Variants in MYO3B observed in about 807,000 individuals in gnomAD.
MYO3B encodes the protein myosin IIIB.
Under a neutral mutation model 174.6 loss-of-function variants are expected in MYO3B, and 156 were observed. The ratio of observed to expected loss-of-function variants is 0.89; its 90% CI spans 0.78 to 1.02. MYO3B has a LOEUF of 1.02. MYO3B is among the 50% of genes least tolerant of loss of function. The pLI is 0.00. For synonymous variants in MYO3B, 563 were observed against 569.1 expected, an observed-to-expected ratio of 0.99 and a Z score of 0.15; for missense variants, 1,632 against 1,639.4, an observed-to-expected ratio of 1.00 and a Z score of 0.08.
chr2:170,321,713 A>G (rs1458630696), intron 7 of MYO3B, among the ~76,000 whole-genome samples: 1 of 152,146 alleles, frequency 6.6e-6, no homozygotes, highest in Non-Finnish European at 1.5e-5. Context: ...TGATGACTTA[A>G]TGTTGATGTA....
chr2:170,415,413 C>T (rs2094571886), intron 22 of MYO3B, among the ~76,000 whole-genome samples: 1 of 152,162 alleles, frequency 6.6e-6, no homozygotes, highest in African/African-American at 2.4e-5. Context: ...CTTACTATCA[C>T]CTTACATACT....
At chr2:170,361,305 G>T (rs2094159077) in intron 8 of MYO3B, among the ~76,000 whole-genome samples, 1 of 152,196 alleles carries the variant, frequency 6.6e-6, no homozygotes, top group Non-Finnish European at 1.5e-5. Context: ...GTGTTTATCT[G>T]TGCCCTGACT....
At chr2:170,411,854 G>A (rs1435009419) in intron 22 of MYO3B, 1 of 152,262 alleles carries the variant, frequency 6.6e-6, no homozygotes, top group African/African-American at 2.4e-5. Context: ...CTGTGCCTGA[G>A]AGGCACACTC....
chr2:170,519,182 T>C (rs1559078352), intron 29 of MYO3B, among the ~76,000 whole-genome samples: 1 of 152,138 alleles, frequency 6.6e-6, no homozygotes. Context: ...GCACTCTTTA[T>C]ATCTATTGCC....
intron 32 of MYO3B, among the ~76,000 whole-genome samples, chr2:170,582,442 T>G (rs1288992558): frequency 6.6e-6 from 1 of 152,134 alleles, no homozygotes; most frequent in Non-Finnish European, 1.5e-5. Flanking sequence ...GTATCATTTT[T>G]GGGTGAGCTG....
chr2:170,499,731 C>T lies in MYO3B; in HGVS notation c.3212C>T (p.Thr1071Ile), dbSNP rs1316805305. The T allele has an allele frequency of 2.5e-6, 4 of 1,613,896 alleles. No individual in the cohort carries two copies. In the African/African-American group the frequency reaches 5.3e-5, roughly 22 times the overall value. Residue 1071 changes from threonine (T) to isoleucine (I), a missense_variant, in exon 27 of 35, where the codon ACC (threonine) becomes ATC (isoleucine). Transcript: ENST00000408978. ...IGRVVVLQAY[T>I]KGWLGARRYK... The stretch of plus-strand genomic sequence containing the variant: ...AGAGTGGTTGTGCTGCAGGCATATA[C>T]CAAGGGGTGGCTTGGAGCCAGGAGA...
intron 30 of MYO3B, among the ~76,000 whole-genome samples, chr2:170,541,838 A>G (rs1285626304): frequency 1.3e-5 from 2 of 152,166 alleles, no homozygotes. Context: ...ATATACACAC[A>G]AATAAATATA....
intron 7 of MYO3B, among the ~76,000 whole-genome samples, chr2:170,314,852 G>A (rs550266066): frequency 2.0e-5 from 3 of 152,200 alleles, no homozygotes; most frequent in South Asian, 2.1e-4. Flanking sequence ...AGAAGACTAC[G>A]CTACAGCTGT....
intron 22 of MYO3B, among the ~76,000 whole-genome samples, chr2:170,432,985 A>G (rs1256649318): frequency 6.6e-6 from 1 of 152,162 alleles, no homozygotes; most frequent in Non-Finnish European, 1.5e-5. Context: ...AGTGAATGTA[A>G]TGTCCTAGGC....
Position 170,499,679 on chromosome 2 carries a change from A to C in MYO3B, c.3160A>C (p.Asn1054His), listed in dbSNP as rs1385102716. 3 of 1,614,120 alleles carry C rather than the reference A, an allele frequency of 1.9e-6. No homozygotes were observed. The highest frequency in any genetic ancestry group is 2.5e-6 in the Non-Finnish European group (3 of 1,179,988). Residue 1054 changes from asparagine (N) to histidine (H), a missense_variant, in exon 27 of 35, where the codon AAT becomes CAT. Physicochemically the swap from Asn to His is moderately conservative, Grantham distance 68. Transcript: ENST00000408978. ...CAAATATTACCATGTTGAGCAATTA[A>C]ATTTGCTGCTTCGAGAAGTCATAGG... ...FLKYYHVEQL[N>H]LLLREVIGRV...
intron 32 of MYO3B, among the ~76,000 whole-genome samples, chr2:170,560,876 G>A (rs1691665592): frequency 6.6e-6 from 1 of 152,168 alleles, no homozygotes; most frequent in Non-Finnish European, 1.5e-5. Context: ...TGAATGCTGG[G>A]GGTACCGACG....
At chr2:170,491,615 C>T (rs1000657384) in intron 25 of MYO3B, among the ~76,000 whole-genome samples, 7 of 152,222 alleles carry the variant, frequency 4.6e-5, no homozygotes, top group South Asian at 2.1e-4. Flanking sequence ...TTAGTAGAGA[C>T]GGGGTTTCAC....
At chr2:170,287,385 C>T (rs142923560) in intron 7 of MYO3B, among the ~76,000 whole-genome samples, 2,017 of 132,132 alleles carry the variant, frequency 0.015, 15 homozygotes, top group Middle Eastern at 0.047. Flanking sequence ...TCCTCACCTA[C>T]ATCTGTTATT....
rs146000475 is a variant in MYO3B at position 170,638,560 on chromosome 2, T to A, written c.3734-13068T>A. 9.8e-5 allele frequency among the ~76,000 whole-genome samples: 15 copies of A among 152,330 alleles called. No homozygotes were observed. The East Asian group carries it at 2.9e-3, about 29-fold the overall frequency. On this transcript the variant is annotated intron_variant, in intron 32 of 34. Coordinates refer to ENST00000408978, the MANE Select transcript of MYO3B (RefSeq NM_138995.5). ...CCAAGAGGTTAACTGGCGATTACTC[T>A]GGAGTTACAGCATCTTAAAGTTGGA...
At chr2:170,615,828 C>T (rs760361905) in intron 32 of MYO3B, among the ~76,000 whole-genome samples, 2 of 152,076 alleles carry the variant, frequency 1.3e-5, no homozygotes, top group South Asian at 2.1e-4. Context: ...GATATACCAG[C>T]GTTTATTATT....
At chr2:170,400,829 G>GGTTTTT (rs60401794) in intron 17 of MYO3B, among the ~76,000 whole-genome samples, 25 of 150,892 alleles carry the variant, frequency 1.7e-4, no homozygotes, top group African/African-American at 3.2e-4. Context: ...TTTGAGCAGT[G>GGTTTTT]TTTTTTTCTT....
chr2:170,422,508 G>A (rs148336681), intron 22 of MYO3B, among the ~76,000 whole-genome samples: 7,804 of 151,524 alleles, frequency 0.052, 266 homozygotes, highest in Non-Finnish European at 0.068. Flanking sequence ...GCCCAGGCTG[G>A]AGTGCAGTGG....
At chr2:170,381,003 A>G (rs1352479316) in intron 9 of MYO3B, among the ~76,000 whole-genome samples, 1 of 152,184 alleles carries the variant, frequency 6.6e-6, no homozygotes, top group African/African-American at 2.4e-5. Context: ...TACTTCTAGT[A>G]CCAGCTAGTT....
chr2:170,340,117 T>C (rs947040784), intron 8 of MYO3B: 65 of 152,342 alleles, frequency 4.3e-4, no homozygotes, highest in African/African-American at 1.5e-3. Flanking sequence ...CTTTTCTTTT[T>C]AAGTTCAAGC....
Sources: gnomAD v4.1 joint callset for allele counts (sites outside exome capture counted in the v4.1 genomes callset) on GRCh38, gnomAD v4.1.1 for gene constraint, MANE v1.5 for transcripts, NCBI Gene and HGNC (gene_info 2026-07-23, HGNC 2026-07-21) for gene names.